SGCZ: variants seen among roughly 807,000 people sequenced by gnomAD.
SGCZ encodes zeta-sarcoglycan.
In SGCZ, 40 loss-of-function variants were observed where a neutral mutation model predicts 41.3. The ratio of observed to expected loss-of-function variants is 0.97; its 90% CI spans 0.75 to 1.26. The LOEUF (loss-of-function observed/expected upper bound fraction) is 1.26, where lower values mean the gene tolerates loss of function less well. Among genes scored for constraint, SGCZ ranks in the 50% most tolerant of loss-of-function variants. The probability of loss-of-function intolerance (pLI) is 0.00; values close to 1 mark genes in which losing one functional copy is unlikely to be tolerated. For missense variants in SGCZ, 552 were observed against 369.8 expected, an observed-to-expected ratio of 1.49 and a Z score of -4.04; for synonymous variants, 206 against 137.5, an observed-to-expected ratio of 1.50 and a Z score of -3.49.
At chr8:14,532,245 GAA>G (rs34660083) in intron 2 of SGCZ, among the ~76,000 whole-genome samples, 2 of 151,214 alleles carry the variant, frequency 1.3e-5, no homozygotes, top group Admixed American at 6.6e-5. Flanking sequence ...CCCAGAATCT[GAA>G]AAAAAAATTT....
At chr8:15,162,386 T>G (rs541169358) in intron 1 of SGCZ, among the ~76,000 whole-genome samples, 1 of 152,156 alleles carries the variant, frequency 6.6e-6, no homozygotes, top group African/African-American at 2.4e-5. Flanking sequence ...AGAATGGCAT[T>G]TAAATTTTAG....
At chr8:14,865,537 T>G (rs1380405583) in intron 1 of SGCZ, among the ~76,000 whole-genome samples, 1 of 152,136 alleles carries the variant, frequency 6.6e-6, no homozygotes, top group Non-Finnish European at 1.5e-5. Flanking sequence ...GTGGGGTATC[T>G]GTTTGTTCTT....
intron 2 of SGCZ, among the ~76,000 whole-genome samples, chr8:14,396,611 A>G (rs1317223190): frequency 1.3e-5 from 2 of 152,082 alleles, no homozygotes; most frequent in Non-Finnish European, 2.9e-5. Flanking sequence ...AAGGCCACCC[A>G]TTCTACCACA....
intron 1 of SGCZ, among the ~76,000 whole-genome samples, chr8:14,957,811 A>G (rs1800840165): frequency 1.3e-5 from 2 of 152,084 alleles, no homozygotes; most frequent in African/African-American, 4.8e-5. Flanking sequence ...AAATATACAT[A>G]AAACAAAAGT....
At chr8:15,027,605 AGTG>A (rs1803506122) in intron 1 of SGCZ, among the ~76,000 whole-genome samples, 5 of 152,028 alleles carry the variant, frequency 3.3e-5, no homozygotes, top group Admixed American at 3.3e-4. Context: ...CACAATAGAA[AGTG>A]GATTTCCGTT....
chr8:14,821,959 G>C (rs1318162859), intron 1 of SGCZ, among the ~76,000 whole-genome samples: 2 of 151,876 alleles, frequency 1.3e-5, no homozygotes, highest in East Asian at 3.9e-4. Context: ...AAAAATCCTA[G>C]CCAGGACAAT....
chr8:15,161,575 A>G (rs139678607), intron 1 of SGCZ, among the ~76,000 whole-genome samples: 60 of 152,344 alleles, frequency 3.9e-4, no homozygotes, highest in African/African-American at 1.4e-3. Context: ...AATGAATTAA[A>G]TTTGTATGAA....
intron 5 of SGCZ, among the ~76,000 whole-genome samples, chr8:14,109,371 A>T (rs1802306595): frequency 2.0e-5 from 3 of 152,188 alleles, no homozygotes. Flanking sequence ...TGGGAAAAAA[A>T]TGTTCCAAAT....
intron 1 of SGCZ, among the ~76,000 whole-genome samples, chr8:14,973,560 G>C (rs1801368685): frequency 6.6e-6 from 1 of 152,026 alleles, no homozygotes; most frequent in Non-Finnish European, 1.5e-5. Flanking sequence ...ATTCTTCTCT[G>C]ACCTAAAGGA....
intron 1 of SGCZ, among the ~76,000 whole-genome samples, chr8:14,768,684 G>A (rs1239193631): frequency 6.6e-6 from 1 of 152,070 alleles, no homozygotes; most frequent in Admixed American, 6.6e-5. Flanking sequence ...CTCACTTCAA[G>A]AGATGCGGGA....
chr8:15,050,931 G>T (rs1804488688), intron 1 of SGCZ, among the ~76,000 whole-genome samples: 1 of 152,122 alleles, frequency 6.6e-6, no homozygotes, highest in Non-Finnish European at 1.5e-5. Context: ...TCATTATATG[G>T]GAAATACTTG....
At chr8:14,431,002 G>A (rs1277479259) in intron 2 of SGCZ, among the ~76,000 whole-genome samples, 1 of 152,056 alleles carries the variant, frequency 6.6e-6, no homozygotes, top group African/African-American at 2.4e-5. Context: ...TGAAAGACCT[G>A]TACAAGGAAA....
At chr8:14,298,424 A>C (rs1334475090) in intron 3 of SGCZ, among the ~76,000 whole-genome samples, 2 of 152,028 alleles carry the variant, frequency 1.3e-5, no homozygotes, top group Non-Finnish European at 2.9e-5. Flanking sequence ...TAGACAAGAT[A>C]ATTTACAGAA....
intron 4 of SGCZ, among the ~76,000 whole-genome samples, chr8:14,193,379 G>C (rs1422709728): frequency 6.6e-6 from 1 of 151,152 alleles, no homozygotes; most frequent in African/African-American, 2.4e-5. Context: ...TGTAACAGTT[G>C]AATGAGTGAG....
chr8:15,032,748 C>G (rs1394273526), intron 1 of SGCZ, among the ~76,000 whole-genome samples: 1 of 152,128 alleles, frequency 6.6e-6, no homozygotes, highest in Non-Finnish European at 1.5e-5. Flanking sequence ...TTGGCCCCCA[C>G]AGCCCCAGAC....
intron 5 of SGCZ, chr8:14,162,505 T>G (rs1454172557): frequency 1.3e-5 from 2 of 152,192 alleles, no homozygotes; most frequent in East Asian, 3.9e-4. Context: ...CTACAACTAA[T>G]GTCCTTTCTG....
intron 1 of SGCZ, among the ~76,000 whole-genome samples, chr8:14,748,414 T>G (rs555262050): frequency 6.6e-6 from 1 of 152,180 alleles, no homozygotes; most frequent in South Asian, 2.1e-4. Flanking sequence ...TTCTATCCTT[T>G]AGGTTGTAAT....
intron 1 of SGCZ, among the ~76,000 whole-genome samples, chr8:15,088,596 A>G (rs1429529354): frequency 2.3e-5 from 2 of 88,108 alleles, no homozygotes; most frequent in East Asian, 2.7e-4. Context: ...TTGACATTTG[A>G]GACTTAAAGC....
chr8:14,830,519 ATTGT>A (rs1269644577), intron 1 of SGCZ, among the ~76,000 whole-genome samples: 1 of 152,030 alleles, frequency 6.6e-6, no homozygotes, highest in Non-Finnish European at 1.5e-5. Flanking sequence ...TATTAATTGT[ATTGT>A]TTAAATTGTA....
Sources: allele counts gnomAD v4.1 joint callset (sites outside exome capture counted in the v4.1 genomes callset), GRCh38; gene constraint gnomAD v4.1.1; transcripts MANE v1.5; gene names NCBI Gene and HGNC (gene_info 2026-07-23, HGNC 2026-07-21).